The following CCSER1 variants were observed in gnomAD, a reference collection of about 807,000 sequenced individuals.
The protein encoded by CCSER1 is coiled-coil serine rich protein 1.
In CCSER1, 41 loss-of-function variants were observed where a neutral mutation model predicts 82.0. The observed-to-expected ratio is 0.50, with a 90% confidence interval of 0.39 to 0.65. CCSER1 has a LOEUF of 0.65. CCSER1 is among the 30% of genes least tolerant of loss of function. The pLI is 0.00. For missense variants in CCSER1, 1,119 were observed against 1,064.2 expected (o/e 1.05, Z -0.72); for synonymous variants, 414 against 383.9 (o/e 1.08, Z -0.92).
chr4:90,885,317 A>G (rs1374343289), intron 8 of CCSER1, among the ~76,000 whole-genome samples: 2 of 152,162 alleles, frequency 1.3e-5, no homozygotes, highest in Admixed American at 6.5e-5. Flanking sequence ...GTTACCCAAC[A>G]TGTATGATTT....
chr4:90,697,798 C>T (rs1344822595), intron 6 of CCSER1, among the ~76,000 whole-genome samples: 1 of 152,088 alleles, frequency 6.6e-6, no homozygotes, highest in Admixed American at 6.6e-5. Flanking sequence ...AGTCTTTTCA[C>T]CCTATACTCT....
intron 10 of CCSER1, among the ~76,000 whole-genome samples, chr4:91,567,342 A>G (rs774153493): frequency 4.6e-5 from 7 of 152,112 alleles, no homozygotes; most frequent in Non-Finnish European, 7.4e-5. Flanking sequence ...TGGTGATGAG[A>G]AGAATGTATA....
intron 5 of CCSER1, among the ~76,000 whole-genome samples, chr4:90,510,004 A>G (rs1231894328): frequency 1.3e-5 from 2 of 152,176 alleles, no homozygotes; most frequent in Non-Finnish European, 2.9e-5. Flanking sequence ...CTATATCTGT[A>G]GTAATGTCAG....
chr4:91,024,900 A>T (rs1030423667), intron 9 of CCSER1, among the ~76,000 whole-genome samples: 1 of 152,060 alleles, frequency 6.6e-6, no homozygotes, highest in Non-Finnish European at 1.5e-5. Context: ...AACTATTAGT[A>T]TATTATATAC....
At chr4:91,157,452 A>G (rs1041824530) in intron 10 of CCSER1, among the ~76,000 whole-genome samples, 8 of 151,876 alleles carry the variant, frequency 5.3e-5, no homozygotes, top group Non-Finnish European at 7.4e-5. Flanking sequence ...AATTTTTCCA[A>G]TAGTATCTTT....
Position 90,933,070 on chromosome 4 carries a change from AAAAGAAAG to A in CCSER1, c.2172+9631_2172+9638del, listed in dbSNP as rs553709277. ...AGAAGGAAGGAACGAAGGAAAGAAG[AAAAGAAAG>A]AAAGAAAAGAAAAGAAAGAAAGAAA... is the stretch of plus-strand genomic sequence containing the variant. On this transcript the variant is annotated intron_variant, in intron 9 of 10. Transcript: ENST00000509176. Among the ~76,000 whole-genome samples, 5 of 113,796 alleles carry A rather than the reference AAAAGAAAG, an allele frequency of 4.4e-5. 2 individuals are homozygous for A. The South Asian group carries it at 1.2e-3, about 27-fold the overall frequency. The allele number at this position is 113,796 out of a possible 152,430, so 74.7% of individuals were successfully genotyped here. A position where few individuals can be genotyped will look rare whatever the true frequency, so the allele number is the denominator to read the frequency against.
intron 6 of CCSER1, among the ~76,000 whole-genome samples, chr4:90,699,153 G>C (rs774240249): frequency 6.6e-6 from 1 of 152,076 alleles, no homozygotes; most frequent in Non-Finnish European, 1.5e-5. Flanking sequence ...GGGCAGCTTA[G>C]ACTTCAATGC....
At chr4:91,479,367 T>C (rs968833613) in intron 10 of CCSER1, among the ~76,000 whole-genome samples, 1 of 151,924 alleles carries the variant, frequency 6.6e-6, no homozygotes, top group African/African-American at 2.4e-5. Flanking sequence ...TGGCATAAAA[T>C]ATTTACAACT....
At position 91,600,305 on chromosome 4, in the gene CCSER1, G is replaced by A. The variant is rs1004941900; in HGVS notation, c.*1248G>A. 1.3e-5 allele frequency: 2 copies of A among 152,046 alleles called. No individual in the cohort carries two copies. The highest frequency in any genetic ancestry group is 4.8e-5 in the African/African-American group (2 of 41,410). The allele number at this position is 152,046 out of a possible 1,614,324, so 9.4% of individuals were successfully genotyped here. A position where few individuals can be genotyped will look rare whatever the true frequency, so the allele number is the denominator to read the frequency against. ...ATAATTCCATCATGTTCAATTAGTA[G>A]CAGAGCAGAATCAAAGAGTACAATT... is the stretch of plus-strand genomic sequence containing the variant. On this transcript the variant is annotated 3_prime_UTR_variant, in exon 11 of 11. Transcript: ENST00000509176.
At chr4:90,589,537 C>T (rs977346947) in intron 5 of CCSER1, among the ~76,000 whole-genome samples, 1 of 151,510 alleles carries the variant, frequency 6.6e-6, no homozygotes, top group Non-Finnish European at 1.5e-5. Context: ...TTTAAATTCC[C>T]CAAATATTCA....
At position 91,604,930 on chromosome 4, in the gene CCSER1, T is replaced by C. The variant is rs1449385088; in HGVS notation, c.*5873T>C. The C allele has an allele frequency of 6.6e-6, 1 of 151,976 alleles. No homozygotes were observed. The highest frequency in any genetic ancestry group is 2.4e-5 in the African/African-American group (1 of 41,434). The allele number at this position is 151,976 out of a possible 1,614,324, so 9.4% of individuals were successfully genotyped here. ...TCTTCCAAAAAAGAATGCAAGAGAA[T>C]TGATTATCTTAGTTAGACCCCATTT... On this transcript the variant is annotated 3_prime_UTR_variant, in exon 11 of 11. Transcript: ENST00000509176.
At chr4:91,305,510 G>T (rs1167178232) in intron 10 of CCSER1, among the ~76,000 whole-genome samples, 1 of 152,012 alleles carries the variant, frequency 6.6e-6, no homozygotes, top group Non-Finnish European at 1.5e-5. Context: ...GCTATAAAAT[G>T]TAATCAATAT....
In CCSER1 at chr4:91,343,347, T is replaced by C. The variant is rs137961295; in HGVS notation, c.2218-255225T>C. Among the ~76,000 whole-genome samples, 635 of 152,256 alleles carry C rather than the reference T, an allele frequency of 4.2e-3. 4 individuals are homozygous for C. Among genetic ancestry groups the C allele is most frequent in the African/African-American group, 0.014 (593 of 41,580 alleles). On this transcript the variant is annotated intron_variant, in intron 10 of 10. Coordinates refer to ENST00000509176, the MANE Select transcript of CCSER1 (RefSeq NM_001145065.2). ...TTCCACATTATATGCTTGACAGCTT[T>C]TTCTGCTTTAGCTACATGTTTTCCC...
chr4:91,027,962 T>C (rs1281631065), intron 9 of CCSER1, among the ~76,000 whole-genome samples: 1 of 152,018 alleles, frequency 6.6e-6, no homozygotes, highest in Non-Finnish European at 1.5e-5. Flanking sequence ...ATCATTGTAA[T>C]TGCATCCATT....
At chr4:91,522,379 A>G (rs562958124) in intron 10 of CCSER1, among the ~76,000 whole-genome samples, 2 of 152,014 alleles carry the variant, frequency 1.3e-5, no homozygotes, top group East Asian at 1.9e-4. Flanking sequence ...TTGGTTCCAT[A>G]TGAATGTTAG....
intron 1 of CCSER1, among the ~76,000 whole-genome samples, chr4:90,279,923 A>G (rs1212891760): frequency 6.6e-6 from 1 of 152,006 alleles, no homozygotes; most frequent in Non-Finnish European, 1.5e-5. Context: ...TGGGGGACTA[A>G]TCTTTGACAT....
intron 10 of CCSER1, among the ~76,000 whole-genome samples, chr4:91,159,337 T>A (rs1731141821): frequency 6.6e-6 from 1 of 151,940 alleles, no homozygotes; most frequent in Non-Finnish European, 1.5e-5. Context: ...GAAACCATAT[T>A]AATTATTTCA....
At chr4:91,039,844 A>G (rs1741809130) in intron 9 of CCSER1, among the ~76,000 whole-genome samples, 1 of 152,160 alleles carries the variant, frequency 6.6e-6, no homozygotes, top group Non-Finnish European at 1.5e-5. Context: ...GACAGTTATT[A>G]AAGGTGGAAC....
At chr4:91,415,873 AT>A (rs1292472728) in intron 10 of CCSER1, among the ~76,000 whole-genome samples, 2 of 151,638 alleles carry the variant, frequency 1.3e-5, no homozygotes, top group Admixed American at 6.6e-5. Flanking sequence ...AAGTTTTATT[AT>A]TTTTTTGTTG....
Sources: allele counts gnomAD v4.1 joint callset (sites outside exome capture counted in the v4.1 genomes callset), GRCh38; gene constraint gnomAD v4.1.1; transcripts MANE v1.5; gene names NCBI Gene and HGNC (gene_info 2026-07-23, HGNC 2026-07-21).